TTC39B: variants seen among roughly 807,000 people sequenced by gnomAD.
TTC39B encodes the protein tetratricopeptide repeat domain 39B.
Under a neutral mutation model 96.6 loss-of-function variants are expected in TTC39B, and 92 were observed. The observed-to-expected ratio is 0.95, with a 90% CI of 0.80 to 1.13. The LOEUF (loss-of-function observed/expected upper bound fraction) is 1.13. Among genes scored for constraint, TTC39B ranks in the 50% most tolerant of loss-of-function variants. The pLI, the probability that TTC39B is intolerant of heterozygous loss-of-function variation, is 0.00. For synonymous variants in TTC39B, 367 were observed against 299.4 expected (o/e 1.23, Z -2.33); for missense variants, 955 against 809.3 (o/e 1.18, Z -2.18).
intron 2 of TTC39B, among the ~76,000 whole-genome samples, chr9:15,255,747 T>A (rs984693037): frequency 4.5e-4 from 69 of 152,198 alleles, no homozygotes; most frequent in African/African-American, 1.6e-3. Flanking sequence ...CCAACAATTA[T>A]GGATAGTGTT....
At chr9:15,201,375 G>A (rs1208180982) in intron 7 of TTC39B, among the ~76,000 whole-genome samples, 2 of 152,170 alleles carry the variant, frequency 1.3e-5, no homozygotes, top group East Asian at 3.9e-4. Flanking sequence ...AATATGTTAA[G>A]GGAGGGCGTC....
chr9:15,222,266 A>G (rs1262334201), intron 3 of TTC39B, among the ~76,000 whole-genome samples: 4 of 152,216 alleles, frequency 2.6e-5, no homozygotes, highest in Non-Finnish European at 5.9e-5. Context: ...TCTGTCCTGC[A>G]TTCTTTTTTT....
chr9:15,167,545 G>C (rs995036798), exon 20 of TTC39B: 3 of 152,242 alleles, frequency 2.0e-5, no homozygotes, highest in African/African-American at 4.8e-5. Flanking sequence ...CTGAAGTTGG[G>C]AGTTCGAGAC....
At chr9:15,265,200 T>C (rs1823087281) in intron 2 of TTC39B, among the ~76,000 whole-genome samples, 2 of 130,714 alleles carry the variant, frequency 1.5e-5, no homozygotes, top group Non-Finnish European at 3.0e-5. Context: ...TAAAAACTAA[T>C]AGATGTTAAA....
At chr9:15,224,026 C>T (rs1820989839) in intron 3 of TTC39B, among the ~76,000 whole-genome samples, 1 of 152,150 alleles carries the variant, frequency 6.6e-6, no homozygotes. Flanking sequence ...AAATCTCATT[C>T]ATTTCTATTT....
At chr9:15,253,911 A>T (rs1383580778) in intron 2 of TTC39B, among the ~76,000 whole-genome samples, 1 of 152,262 alleles carries the variant, frequency 6.6e-6, no homozygotes, top group East Asian at 1.9e-4. Context: ...TTTATTACTA[A>T]GAACCATACA....
chr9:15,280,350 A>G (rs1164371715), intron 1 of TTC39B, among the ~76,000 whole-genome samples: 1 of 152,212 alleles, frequency 6.6e-6, no homozygotes, highest in Non-Finnish European at 1.5e-5. Context: ...CTTTACAGAA[A>G]AAGTTTGCCT....
exon 11 of TTC39B, chr9:15,190,651 G>A (rs201388329): frequency 1.5e-5 from 24 of 1,613,860 alleles, no homozygotes; most frequent in Non-Finnish European, 1.9e-5. Flanking sequence ...GTAACTGCAG[G>A]AGGCCCAACT....
intron 2 of TTC39B, among the ~76,000 whole-genome samples, chr9:15,233,836 G>T (rs1821590434): frequency 1.3e-5 from 2 of 151,308 alleles, no homozygotes; most frequent in Admixed American, 1.3e-4. Context: ...GATGTGAGGA[G>T]CCCCTCTGCC....
intron 2 of TTC39B, chr9:15,249,978 C>A: frequency 7.8e-7 from 1 of 1,287,176 alleles, no homozygotes; most frequent in South Asian, 1.2e-5. Flanking sequence ...AGATGTCTTT[C>A]CCTCTCTTCT....
chr9:15,304,405 T>C (rs746558030), intron 1 of TTC39B, among the ~76,000 whole-genome samples: 22 of 152,210 alleles, frequency 1.4e-4, no homozygotes, highest in Non-Finnish European at 2.5e-4. Flanking sequence ...TCTAAGATGC[T>C]TGTGCTCCCC....
chr9:15,195,338 G>C (rs909237222), intron 8 of TTC39B, among the ~76,000 whole-genome samples: 2 of 152,062 alleles, frequency 1.3e-5, no homozygotes, highest in African/African-American at 4.8e-5. Flanking sequence ...AGCTAACAGA[G>C]GTTGTTTCAT....
At chr9:15,225,954 G>C in exon 3 of TTC39B, 1 of 1,614,028 alleles carries the variant, frequency 6.2e-7, no homozygotes, top group Non-Finnish European at 8.5e-7. Flanking sequence ...CTGGGCGCCT[G>C]TTGTGTATCA....
chr9:15,240,647 T>A (rs1170974904), intron 2 of TTC39B, among the ~76,000 whole-genome samples: 1 of 152,224 alleles, frequency 6.6e-6, no homozygotes, highest in Non-Finnish European at 1.5e-5. Context: ...ATCATCCCTT[T>A]TTATCACACA....
intron 2 of TTC39B, among the ~76,000 whole-genome samples, chr9:15,254,743 G>A (rs2131516859): frequency 6.6e-6 from 1 of 151,798 alleles, no homozygotes; most frequent in South Asian, 2.1e-4. Context: ...CACATTATGG[G>A]TATAACTTCT....
chr9:15,210,644 G>C (rs376781706), intron 5 of TTC39B, among the ~76,000 whole-genome samples: 1 of 152,060 alleles, frequency 6.6e-6, no homozygotes, highest in Non-Finnish European at 1.5e-5. Context: ...ACAGCAACAG[G>C]GGTCATTTCC....
chr9:15,196,055 C>T (rs1165806253), intron 8 of TTC39B, among the ~76,000 whole-genome samples: 1 of 152,218 alleles, frequency 6.6e-6, no homozygotes, highest in Non-Finnish European at 1.5e-5. Context: ...GATAGCACAT[C>T]TATTCACAGC....
chr9:15,243,687 A>G (rs779383424), intron 2 of TTC39B, among the ~76,000 whole-genome samples: 9 of 152,202 alleles, frequency 5.9e-5, no homozygotes, highest in Admixed American at 3.3e-4. Context: ...AGGCAGGAGG[A>G]TCACTTGAGC....
chr9:15,254,597 C>A (rs1248415583), intron 2 of TTC39B, among the ~76,000 whole-genome samples: 1 of 151,974 alleles, frequency 6.6e-6, no homozygotes, highest in East Asian at 1.9e-4. Flanking sequence ...TAACTAAGTT[C>A]TGCTGAAAAT....
Sources: gnomAD v4.1 joint callset for allele counts (sites outside exome capture counted in the v4.1 genomes callset) on GRCh38, gnomAD v4.1.1 for gene constraint, MANE v1.5 for transcripts, NCBI Gene and HGNC (gene_info 2026-07-23, HGNC 2026-07-21) for gene names.